SHROOM3: variants seen among roughly 807,000 people sequenced by gnomAD.
The protein encoded by SHROOM3 is shroom family member 3, also known as protein Shroom3.
A neutral mutation model predicts 138.6 loss-of-function variants in SHROOM3; 47 were observed. That is an observed-to-expected ratio of 0.34 (90% confidence interval 0.27 to 0.43). The LOEUF (loss-of-function observed/expected upper bound fraction) is 0.43. Ranked by LOEUF, SHROOM3 falls within the 20% of genes least tolerant of loss-of-function variation. SHROOM3 has a pLI of 1.00. For synonymous variants in SHROOM3, 1,062 were observed against 1,063.3 expected (o/e 1.00, Z 0.02); for missense variants, 2,491 against 2,596.5 (o/e 0.96, Z 0.88).
intron 2 of SHROOM3, among the ~76,000 whole-genome samples, chr4:76,687,055 G>C (rs746580074): frequency 6.6e-6 from 1 of 152,072 alleles, no homozygotes; most frequent in Non-Finnish European, 1.5e-5. Context: ...GCGAAGGAAA[G>C]GGAGCAAAAA....
intron 1 of SHROOM3, among the ~76,000 whole-genome samples, chr4:76,529,151 T>A (rs1732776478): frequency 6.6e-6 from 1 of 152,050 alleles, no homozygotes; most frequent in South Asian, 2.1e-4. Context: ...ATGGGAAAAA[T>A]TCAGATGCCC....
At chr4:76,565,528 T>A (rs1320942437) in intron 2 of SHROOM3, among the ~76,000 whole-genome samples, 1 of 152,224 alleles carries the variant, frequency 6.6e-6, no homozygotes, top group Admixed American at 6.5e-5. Context: ...GATCTTACTC[T>A]GTTGCCCAGG....
At chr4:76,460,714 C>G (rs551971196) in intron 1 of SHROOM3, among the ~76,000 whole-genome samples, 1 of 151,436 alleles carries the variant, frequency 6.6e-6, no homozygotes, top group South Asian at 2.1e-4. Context: ...GAAGAGGCCA[C>G]TAGTGGTAGC....
intron 1 of SHROOM3, among the ~76,000 whole-genome samples, chr4:76,544,406 G>GTTT (rs1560540155): frequency 1.0e-5 from 1 of 96,004 alleles, no homozygotes; most frequent in African/African-American, 3.2e-5. Flanking sequence ...TAGCTCAATG[G>GTTT]CTTTTTTTTT....
rs541825847 is a variant in SHROOM3 at position 76,775,816 on chromosome 4, T to C, written c.5623-2993T>C. ...TATATATACACACATACTATATATATACACACACACACACACATACATATA... is the reference window on the plus strand; with the variant it reads ...TATATATACACACATACTATATATACACACACACACACACACATACATATA... On this transcript the variant is annotated intron_variant, in intron 10 of 10. Transcript: ENST00000296043. Among the ~76,000 whole-genome samples, 770 of 149,646 alleles carry C rather than the reference T, an allele frequency of 5.1e-3. 4 individuals carry two copies. The highest frequency in any genetic ancestry group is 0.017 in the African/African-American group (702 of 40,900).
At chr4:76,532,531 C>T (rs936774913) in intron 1 of SHROOM3, among the ~76,000 whole-genome samples, 5 of 152,084 alleles carry the variant, frequency 3.3e-5, no homozygotes, top group Non-Finnish European at 7.4e-5. Flanking sequence ...TGGACAGTAC[C>T]GAATCCAATT....
At chr4:76,571,049 C>T (rs979974838) in intron 2 of SHROOM3, among the ~76,000 whole-genome samples, 2 of 152,182 alleles carry the variant, frequency 1.3e-5, no homozygotes, top group African/African-American at 4.8e-5. Flanking sequence ...GATTTGCAAA[C>T]TTAGCCTGCT....
At chr4:76,690,343 C>T (rs1719488135) in intron 2 of SHROOM3, among the ~76,000 whole-genome samples, 1 of 152,162 alleles carries the variant, frequency 6.6e-6, no homozygotes, top group Non-Finnish European at 1.5e-5. Flanking sequence ...ATTTCTCTTC[C>T]TCTAGGATGT....
At chr4:76,507,540 T>TC (rs397951886) in intron 1 of SHROOM3, among the ~76,000 whole-genome samples, 1,129 of 71,274 alleles carry the variant, frequency 0.016, 7 homozygotes, top group Non-Finnish European at 0.019. Flanking sequence ...TGTATCTCTC[T>TC]TTTTTTTTTT....
At chr4:76,766,374 G>A (rs754357817) in intron 9 of SHROOM3, among the ~76,000 whole-genome samples, 4 of 152,216 alleles carry the variant, frequency 2.6e-5, no homozygotes, top group Non-Finnish European at 2.9e-5. Flanking sequence ...TCCTTGTCCA[G>A]TGTTCATCCT....
chr4:76,778,222 A>ATTTT (rs71212454), intron 10 of SHROOM3, among the ~76,000 whole-genome samples: 1 of 139,952 alleles, frequency 7.1e-6, no homozygotes. Context: ...TACCTTGATG[A>ATTTT]TTTTTTTTTT....
At chr4:76,609,352 A>AGCTCATTGTAACCTCAAACTCCTGG (rs1460740047) in intron 2 of SHROOM3, among the ~76,000 whole-genome samples, 3 of 152,334 alleles carry the variant, frequency 2.0e-5, no homozygotes, top group East Asian at 1.9e-4. Flanking sequence ...CACAGATCAC[A>AGCTCATTGTAACCTCAAACTCCTGG]GCTCATTGTA....
rs1227556507 is a variant in SHROOM3, at chr4:76,782,480, G to GAGCT, written c.*3303_*3304insAGCT. 6.6e-6 allele frequency: 1 copy of GAGCT among 152,158 alleles called. No individual in the cohort carries two copies. The highest frequency in any genetic ancestry group is 1.5e-5 in the Non-Finnish European group (1 of 68,038). The allele number at this position is 152,158 out of a possible 1,614,324, so 9.4% of individuals were successfully genotyped here. A position where few individuals can be genotyped will look rare whatever the true frequency, so the allele number is the denominator to read the frequency against. On this transcript the variant is annotated 3_prime_UTR_variant, in exon 11 of 11. Transcript: ENST00000296043. ...CTAAAATAATTCATGAGTTTAAATG[G>GAGCT]TAAATATATGCTTTAAGCTCTACCT... is the stretch of plus-strand genomic sequence containing the variant.
intron 1 of SHROOM3, among the ~76,000 whole-genome samples, chr4:76,476,177 A>G (rs1731481446): frequency 6.6e-6 from 1 of 152,250 alleles, no homozygotes; most frequent in African/African-American, 2.4e-5. Flanking sequence ...TTGGGGGACT[A>G]CAGGGAATGA....
At chr4:76,496,402 G>C (rs1369117809) in intron 1 of SHROOM3, among the ~76,000 whole-genome samples, 2 of 152,186 alleles carry the variant, frequency 1.3e-5, no homozygotes, top group African/African-American at 4.8e-5. Context: ...TGAAGGCAGT[G>C]GGCAAAGACA....
chr4:76,598,288 A>G (rs909476331), intron 2 of SHROOM3, among the ~76,000 whole-genome samples: 1 of 152,032 alleles, frequency 6.6e-6, no homozygotes, highest in Non-Finnish European at 1.5e-5. Flanking sequence ...GGCCTCCGAA[A>G]GTCCTGGGAT....
intron 10 of SHROOM3, among the ~76,000 whole-genome samples, chr4:76,776,954 A>G (rs994885461): frequency 6.6e-6 from 1 of 152,132 alleles, no homozygotes. Context: ...CCATTGCTCT[A>G]TATGCCTGTT....
chr4:76,672,800 T>C (rs1019428649), intron 2 of SHROOM3, among the ~76,000 whole-genome samples: 6 of 152,184 alleles, frequency 3.9e-5, no homozygotes, highest in African/African-American at 1.2e-4. Context: ...TCTCATCTCC[T>C]GACCTCGTGA....
rs1403448447 is a variant in SHROOM3, at chr4:76,739,395, G to A, written c.1222G>A (p.Asp408Asn). ...GCGGCCCAGCTCCTGGTCTAGCCTT[G>A]ATCAGAAACGGCTCTGCCGGCCTCA... ...RERPSSWSSL[D>N]QKRLCRPQAN... The change falls in exon 5 of 11, where the codon GAT (aspartate) becomes AAT (asparagine). Residue 408 changes from aspartate to asparagine, a missense_variant. Physicochemically the swap from Asp to Asn is conservative, Grantham distance 23. Transcript: ENST00000296043. 2.5e-6 allele frequency: 4 copies of A among 1,613,956 alleles called. No homozygotes were observed. Among genetic ancestry groups the A allele is most frequent in the Non-Finnish European group, 3.4e-6 (4 of 1,180,046 alleles).
Sources: gnomAD v4.1 joint callset for allele counts (sites outside exome capture counted in the v4.1 genomes callset) on GRCh38, gnomAD v4.1.1 for gene constraint, MANE v1.5 for transcripts, NCBI Gene and HGNC (gene_info 2026-07-23, HGNC 2026-07-21) for gene names.